The following PYGL variants were observed in gnomAD, a reference collection of about 807,000 sequenced individuals.
PYGL encodes the protein glycogen phosphorylase, liver form.
PYGL carries 90 observed loss-of-function variants against 100.1 expected under a neutral mutation model. The ratio of observed to expected loss-of-function variants is 0.90; its 90% CI spans 0.76 to 1.07. The LOEUF is 1.07. Among genes scored for constraint, PYGL ranks in the 50% least tolerant of loss-of-function variants. The pLI is 0.00. For missense variants in PYGL, 1,016 were observed against 1,057.6 expected (o/e 0.96, Z 0.55); for synonymous variants, 373 against 393.0 (o/e 0.95, Z 0.60).
chr14:50,939,231 T>G lies in PYGL; in HGVS notation c.244-1394A>C, dbSNP rs537140875. The stretch of plus-strand genomic sequence containing the variant: ...TTTGTATTTTTAGTAGAAACAAGGT[T>G]TTGCCATGTTGGCCAGCCTGGTCTT... On this transcript the variant is annotated intron_variant, in intron 1 of 19. Coordinates refer to ENST00000216392, the MANE Select transcript of PYGL (RefSeq NM_002863.5). 3.3e-5 allele frequency among the ~76,000 whole-genome samples: 5 copies of G among 152,272 alleles called. No individual in the cohort carries two copies. The East Asian group carries it at 9.7e-4, about 29-fold the overall frequency.
chr14:50,931,454 T>A (rs2050599935), intron 4 of PYGL, among the ~76,000 whole-genome samples: 1 of 152,206 alleles, frequency 6.6e-6, no homozygotes, highest in African/African-American at 2.4e-5. Context: ...CTGCCCTCAG[T>A]GCAATGGATC....
In PYGL at chr14:50,910,108, A is replaced by G; in HGVS notation, c.1970-6T>C. The G allele has an allele frequency of 1.2e-6, 2 of 1,611,222 alleles. No individual in the cohort carries two copies. The highest frequency in any genetic ancestry group is 1.7e-6 in the Non-Finnish European group (2 of 1,177,346). Reference sequence around the variant, plus strand: ...CAGATCTGTGGCTGGAATGACTGCAAGAAAGGTAAGTTAAAATTAGTAATT... The same window carrying G: ...CAGATCTGTGGCTGGAATGACTGCAGGAAAGGTAAGTTAAAATTAGTAATT... On this transcript the variant is annotated splice_region_variant and splice_polypyrimidine_tract_variant and intron_variant, in intron 16 of 19. Coordinates refer to ENST00000216392, the MANE Select transcript of PYGL (RefSeq NM_002863.5).
chr14:50,913,434 C>T (rs140742222), intron 12 of PYGL: 1,731 of 158,168 alleles, frequency 0.011, 28 homozygotes, highest in African/African-American at 0.038. Flanking sequence ...TACAGTGGCA[C>T]GATCTCGGCT....
rs1016425401 is a variant in PYGL at position 50,913,041 on chromosome 14, G to A, written c.1608C>T (p.Ala536=). Residue 536 remains alanine (A), a synonymous_variant, in exon 13 of 20, where the codon GCC becomes GCT. Coordinates refer to ENST00000216392, the MANE Select transcript of PYGL (RefSeq NM_002863.5). The stretch of plus-strand genomic sequence containing the variant: ...CTGGAAGGCTCACCTGCTTCACCTT[G>A]GCGAGTTCCCGGAGGAAGACATCAT... The part of the protein sequence containing the change: ...LGDDVFLREL[A]KVKQENKLKF... 3 of 1,613,940 alleles carry A rather than the reference G, an allele frequency of 1.9e-6. No individual in the cohort carries two copies. The highest frequency in any genetic ancestry group is 2.5e-6 in the Non-Finnish European group (3 of 1,179,844).
At chr14:50,909,207 T>G (rs1485978454) in intron 17 of PYGL, among the ~76,000 whole-genome samples, 1 of 152,162 alleles carries the variant, frequency 6.6e-6, no homozygotes. Context: ...TAGTCAAACA[T>G]CAAGAGTCTG....
rs561479231 is a variant in PYGL, at chr14:50,944,410, G to GGCGGCGGGCTGC, written c.-19_-8dup. 2.5e-4 allele frequency: 407 copies of GGCGGCGGGCTGC among 1,606,166 alleles called. 4 individuals carry two copies. The South Asian group carries it at 3.8e-3, about 15-fold the overall frequency. ...CCGTCAGGGGCTTCGCCATGGCTGG[G>GGCGGCGGGCTGC]GCGGCGGGCTGCGCGGCGGGCTGCG... On this transcript the variant is annotated 5_prime_UTR_variant, in exon 1 of 20. Transcript: ENST00000216392.
chr14:50,905,680 A>G (rs1272277218), intron 19 of PYGL, 124 bp from the exon 20 acceptor site: 3 of 940,782 alleles, frequency 3.2e-6, no homozygotes, highest in Non-Finnish European at 5.1e-6. Flanking sequence ...ATTATAGTAA[A>G]TTACAAATAT....
chr14:50,913,083 G>A lies in PYGL; in HGVS notation c.1566C>T (p.Leu522=), dbSNP rs376390053. The A allele has an allele frequency of 1.2e-6, 2 of 1,613,950 alleles. No individual in the cohort carries two copies. The highest frequency in any genetic ancestry group is 2.7e-5 in the African/African-American group (2 of 74,944). The stretch of plus-strand genomic sequence containing the variant: ...AGACATCATCACCCAGGAAGCTGTG[G>A]AGCTTCGTCAGCTGGCTCAGGTCTT... ...YVKDLSQLTK[L]HSFLGDDVFL... The change falls in exon 13 of 20, where the codon CTC becomes CTT. Residue 522 remains leucine, a synonymous_variant. Transcript: ENST00000216392.
intron 1 of PYGL, 89 bp from the exon 2 acceptor site, chr14:50,937,926 T>C: frequency 8.4e-7 from 1 of 1,188,984 alleles, no homozygotes; most frequent in Non-Finnish European, 1.2e-6. Flanking sequence ...AGGTCACCAA[T>C]AAGAAACAAA....
chr14:50,916,495 A>G (rs1255764557), intron 9 of PYGL, 147 bp downstream of exon 9: 2 of 751,216 alleles, frequency 2.7e-6, no homozygotes, highest in East Asian at 5.4e-5. Flanking sequence ...AGGATGGAAA[A>G]TGTCAGCGTC....
intron 4 of PYGL, among the ~76,000 whole-genome samples, chr14:50,930,891 C>T (rs773044642): frequency 6.6e-6 from 1 of 151,898 alleles, no homozygotes; most frequent in African/African-American, 2.4e-5. Context: ...AAACTGTCCA[C>T]ACTAGGGCGA....
intron 2 of PYGL, among the ~76,000 whole-genome samples, chr14:50,936,269 A>G (rs1415583686): frequency 2.0e-5 from 3 of 152,160 alleles, no homozygotes; most frequent in African/African-American, 7.2e-5. Flanking sequence ...ACATTTGAAG[A>G]CATATGTGGA....
At chr14:50,920,818 A>G (rs1261818595) in intron 6 of PYGL, 138 bp downstream of exon 6, 6 of 1,028,216 alleles carry the variant, frequency 5.8e-6, no homozygotes, top group African/African-American at 1.6e-5. Context: ...CTTCCTCCAT[A>G]CAATGCCTGC....
At chr14:50,924,753 CTTATT>C (rs1429255147) in intron 4 of PYGL, among the ~76,000 whole-genome samples, 2 of 152,004 alleles carry the variant, frequency 1.3e-5, no homozygotes, top group Non-Finnish European at 2.9e-5. Flanking sequence ...AGGTAATGAA[CTTATT>C]TTATTGACAA....
chr14:50,928,235 G>A (rs988769746), intron 4 of PYGL, among the ~76,000 whole-genome samples: 1 of 152,212 alleles, frequency 6.6e-6, no homozygotes, highest in Non-Finnish European at 1.5e-5. Context: ...CTCTGCACCT[G>A]TGGGATACAG....
Position 50,936,335 on chromosome 14 carries a change from C to G in PYGL, c.346-1150G>C, listed in dbSNP as rs571674149. Among the ~76,000 whole-genome samples the G allele has an allele frequency of 1.6e-3, 249 of 152,286 alleles. 1 individual carries two copies. The highest frequency in any genetic ancestry group is 0.014 in the South Asian group (67 of 4,826). On this transcript the variant is annotated intron_variant, in intron 2 of 19. Coordinates refer to ENST00000216392, the MANE Select transcript of PYGL (RefSeq NM_002863.5). ...GTTTCCATGGCACCTGTTTGGATTC[C>G]TACCTGTCACACAGGTCTTGACAAC...
chr14:50,912,210 G>T lies in PYGL; in HGVS notation c.1714C>A (p.His572Asn). 1.2e-6 allele frequency: 2 copies of T among 1,614,170 alleles called. No individual in the cohort carries two copies. Among genetic ancestry groups the T allele is most frequent in the Non-Finnish European group, 1.7e-6 (2 of 1,180,024 alleles). Residue 572 changes from histidine to asparagine, a missense_variant, in exon 14 of 20, where the codon CAT becomes AAT. Coordinates refer to ENST00000216392, the MANE Select transcript of PYGL (RefSeq NM_002863.5). Reference sequence around the variant, plus strand: ...TTCAAGAGCTGTCGCTTGTACTCATGTATCCTCTTCACCTGGACATCAAAC... The same window carrying T: ...TTCAAGAGCTGTCGCTTGTACTCATTTATCCTCTTCACCTGGACATCAAAC... ...SMFDVQVKRI[H>N]EYKRQLLNCL...
chr14:50,928,350 A>G (rs566432710), intron 4 of PYGL, among the ~76,000 whole-genome samples: 1 of 152,222 alleles, frequency 6.6e-6, no homozygotes, highest in South Asian at 2.1e-4. Context: ...AGAATTCCAC[A>G]GTGATAATTA....
intron 12 of PYGL, 31 bp downstream of exon 12, chr14:50,914,670 G>A: frequency 6.5e-7 from 1 of 1,544,574 alleles, no homozygotes; most frequent in Non-Finnish European, 8.9e-7. Context: ...TTCGAGTCAG[G>A]CCTCCTTTCC....
Sources: allele counts gnomAD v4.1 joint callset (sites outside exome capture counted in the v4.1 genomes callset), GRCh38; gene constraint gnomAD v4.1.1; transcripts MANE v1.5; gene names NCBI Gene and HGNC (gene_info 2026-07-23, HGNC 2026-07-21).